Variants in PLD1 observed in about 807,000 individuals in gnomAD.
PLD1 encodes the protein phospholipase D1.
PLD1 carries 112 observed loss-of-function variants against 137.1 expected under a neutral mutation model. The observed-to-expected ratio is 0.82, with a 90% CI of 0.70 to 0.96. The LOEUF is 0.96. Ranked by LOEUF, PLD1 falls within the 40% of genes least tolerant of loss-of-function variation. The probability of loss-of-function intolerance (pLI) is 0.00; values close to 1 mark genes in which losing one functional copy is unlikely to be tolerated. For missense variants in PLD1, 1,321 were observed against 1,342.0 expected (o/e 0.98, Z 0.24); for synonymous variants, 431 against 454.7 (o/e 0.95, Z 0.66).
At chr3:171,629,842 C>T (rs1245752261) in intron 23 of PLD1, among the ~76,000 whole-genome samples, 5 of 152,188 alleles carry the variant, frequency 3.3e-5, no homozygotes, top group African/African-American at 7.2e-5. Flanking sequence ...CCCTTCTTTA[C>T]ACCTTATACA....
chr3:171,713,742 G>GA, intron 9 of PLD1, 151 bp downstream of exon 9: 1 of 639,814 alleles, frequency 1.6e-6, no homozygotes, highest in Non-Finnish European at 2.7e-6. Context: ...TATATACAAG[G>GA]AAAAAAGTGG....
intron 25 of PLD1, among the ~76,000 whole-genome samples, chr3:171,609,608 A>G (rs1326474080): frequency 4.6e-5 from 7 of 151,980 alleles, no homozygotes; most frequent in Non-Finnish European, 8.8e-5. Flanking sequence ...TTTTGTAGCA[A>G]CATGCATGGA....
At chr3:171,710,022 T>A (rs984211260) in intron 9 of PLD1, among the ~76,000 whole-genome samples, 1 of 152,158 alleles carries the variant, frequency 6.6e-6, no homozygotes, top group African/African-American at 2.4e-5. Flanking sequence ...AAGTATTAGT[T>A]AGAGAGCTGT....
intron 21 of PLD1, among the ~76,000 whole-genome samples, chr3:171,645,616 G>A (rs1301641414): frequency 1.3e-5 from 2 of 151,790 alleles, no homozygotes; most frequent in Non-Finnish European, 2.9e-5. Flanking sequence ...CGGGCGTGGT[G>A]GCTCATGTCT....
intron 9 of PLD1, among the ~76,000 whole-genome samples, chr3:171,711,167 CTTTTTTTTTT>C (rs562934959): frequency 3.2e-5 from 3 of 94,808 alleles, no homozygotes; most frequent in African/African-American, 1.3e-4. Flanking sequence ...CTGTGCCAGC[CTTTTTTTTTT>C]TTTTTTTTTT....
At chr3:171,762,521 A>G (rs1267813035) in intron 1 of PLD1, among the ~76,000 whole-genome samples, 1 of 152,192 alleles carries the variant, frequency 6.6e-6, no homozygotes, top group Non-Finnish European at 1.5e-5. Context: ...CAAGAGTGTG[A>G]ACAGAAGTGT....
intron 2 of PLD1, 94 bp downstream of exon 2, chr3:171,737,798 G>C (rs1002953969): frequency 7.0e-7 from 1 of 1,434,910 alleles, no homozygotes; most frequent in East Asian, 2.3e-5. Context: ...CATCTGCAAG[G>C]AAAATCAATC....
chr3:171,659,865 T>C (rs1430484414), intron 20 of PLD1, among the ~76,000 whole-genome samples: 2 of 152,238 alleles, frequency 1.3e-5, no homozygotes, highest in African/African-American at 2.4e-5. Flanking sequence ...CTCTTTTGTA[T>C]GTTGCATATA....
At chr3:171,783,647 T>C (rs957118364) in intron 1 of PLD1, among the ~76,000 whole-genome samples, 2 of 152,132 alleles carry the variant, frequency 1.3e-5, no homozygotes, top group African/African-American at 4.8e-5. Context: ...TGCCTGTTTA[T>C]TTGTTTGTTT....
rs200317928 is a variant in PLD1, at chr3:171,644,915, G to C, written c.2538C>G (p.Asn846Lys). 1.9e-6 allele frequency: 3 copies of C among 1,599,968 alleles called. No individual in the cohort carries two copies. The highest frequency in any genetic ancestry group is 4.5e-5 in the East Asian group (2 of 44,814). Residue 846 changes from asparagine (N) to lysine (K), a missense_variant, in exon 22 of 27, where the codon AAC (asparagine) becomes AAG (lysine). Coordinates refer to ENST00000351298, the MANE Select transcript of PLD1 (RefSeq NM_002662.5). ...GNALQAIMHFNYRTMCRGENS... is the reference protein window; with the variant it reads ...GNALQAIMHFKYRTMCRGENS... The stretch of plus-strand genomic sequence containing the variant: ...ACCATTTAGAGTTTTGGCACCTGTA[G>C]TTGAAGTGCATGATTGCCTGTAGAG...
chr3:171,720,471 A>G (rs1342498035), intron 8 of PLD1, among the ~76,000 whole-genome samples: 2 of 151,316 alleles, frequency 1.3e-5, no homozygotes, highest in Admixed American at 1.3e-4. Context: ...AGTCCCAGCT[A>G]CTCGGAGAGC....
Position 171,612,570 on chromosome 3 carries a change from G to A in PLD1, c.2729-138C>T. 1 of 741,856 alleles carries A rather than the reference G, an allele frequency of 1.3e-6. No homozygotes were observed. Among genetic ancestry groups the A allele is most frequent in the East Asian group, 2.7e-5 (1 of 37,624 alleles). The allele number at this position is 741,856 out of a possible 1,614,324, so 46.0% of individuals were successfully genotyped here. A position where few individuals can be genotyped will look rare whatever the true frequency, so the allele number is the denominator to read the frequency against. ...TCAAGGGAAGATGTGTTTTTAGGGAGGTGGGGCCCTCCCTAACCCAGGGGT... is the reference window on the plus strand; with the variant it reads ...TCAAGGGAAGATGTGTTTTTAGGGAAGTGGGGCCCTCCCTAACCCAGGGGT... On this transcript the variant is annotated intron_variant, in intron 24 of 26. Coordinates refer to ENST00000351298, the MANE Select transcript of PLD1 (RefSeq NM_002662.5). This position sits in a 1 kb window ranked among gnomAD's most constrained non-coding sequence, Gnocchi z 4.1.
intron 8 of PLD1, among the ~76,000 whole-genome samples, chr3:171,719,720 C>T (rs924112447): frequency 7.9e-5 from 12 of 152,166 alleles, no homozygotes; most frequent in Non-Finnish European, 1.3e-4. Context: ...ACATAAGAAA[C>T]TTAACTTACG....
chr3:171,684,039 T>C (rs751750529), intron 16 of PLD1, among the ~76,000 whole-genome samples: 1 of 152,154 alleles, frequency 6.6e-6, no homozygotes, highest in Non-Finnish European at 1.5e-5. Flanking sequence ...ACACTAGACA[T>C]ATATTCAGTT....
At chr3:171,705,626 C>T (rs924550362) in intron 11 of PLD1, among the ~76,000 whole-genome samples, 12 of 152,210 alleles carry the variant, frequency 7.9e-5, no homozygotes, top group South Asian at 2.1e-4. Flanking sequence ...CAACATGAAA[C>T]GATGTTGCTG....
chr3:171,682,644 T>C (rs1457988526), intron 16 of PLD1, among the ~76,000 whole-genome samples: 1 of 152,228 alleles, frequency 6.6e-6, no homozygotes, highest in Non-Finnish European at 1.5e-5. Context: ...CTCTTTAAAC[T>C]TCCTTCATTT....
intron 19 of PLD1, among the ~76,000 whole-genome samples, chr3:171,665,632 G>A (rs1000274175): frequency 3.7e-4 from 56 of 152,068 alleles, no homozygotes; most frequent in African/African-American, 1.3e-3. Flanking sequence ...CCCAGGAGGC[G>A]GAGGTTGCAG....
chr3:171,639,573 A>T (rs1227570767), intron 23 of PLD1, among the ~76,000 whole-genome samples: 3 of 92,020 alleles, frequency 3.3e-5, no homozygotes, highest in African/African-American at 1.4e-4. Context: ...TATTATATAT[A>T]ATATATATTC....
At chr3:171,677,467 C>A in intron 17 of PLD1, 99 bp downstream of exon 17, 1 of 1,237,424 alleles carries the variant, frequency 8.1e-7, no homozygotes, top group Non-Finnish European at 1.1e-6. Flanking sequence ...TCAACGGAAG[C>A]AAAACAAAAG....
Sources: allele counts gnomAD v4.1 joint callset (sites outside exome capture counted in the v4.1 genomes callset), GRCh38; gene constraint gnomAD v4.1.1; non-coding constraint Gnocchi (gnomAD v3.1); transcripts MANE v1.5; gene names NCBI Gene and HGNC (gene_info 2026-07-23, HGNC 2026-07-21).